Variants in RAB3B observed in about 807,000 individuals in gnomAD.
RAB3B encodes ras-related protein Rab-3B.
In RAB3B, 11 loss-of-function variants were observed where a neutral mutation model predicts 20.5. The ratio of observed to expected loss-of-function variants is 0.54; its 90% CI spans 0.34 to 0.89. The LOEUF (loss-of-function observed/expected upper bound fraction) is 0.89, where lower values mean the gene tolerates loss of function less well. RAB3B is among the 40% of genes least tolerant of loss of function. The probability of loss-of-function intolerance (pLI) is 0.02; values close to 1 mark genes in which losing one functional copy is unlikely to be tolerated. For missense variants in RAB3B, 225 were observed against 280.9 expected, an observed-to-expected ratio of 0.80 and a Z score of 1.42; for synonymous variants, 99 against 106.3, an observed-to-expected ratio of 0.93 and a Z score of 0.42.
chr1:51,971,582 G>A lies in RAB3B; in HGVS notation c.228+5308C>T, dbSNP rs148394524. ...TGAGTATCTGGGATTACAGGAGCCT[G>A]CCACCACGCCCAGCTAATTTTTTGT... On this transcript the variant is annotated intron_variant, in intron 2 of 4. Transcript: ENST00000371655. 7.5e-3 allele frequency among the ~76,000 whole-genome samples: 1,134 copies of A among 152,040 alleles called. 12 individuals carry two copies. The highest frequency in any genetic ancestry group is 0.025 in the African/African-American group (1,046 of 41,454).
At chr1:51,957,921 G>T (rs1476447037) in intron 2 of RAB3B, among the ~76,000 whole-genome samples, 1 of 152,232 alleles carries the variant, frequency 6.6e-6, no homozygotes, top group Non-Finnish European at 1.5e-5. Flanking sequence ...GGTGGGGGAG[G>T]CCGGTATCCT....
rs1685101257 is a variant in RAB3B, at chr1:51,982,569, A to G, written c.1-5452T>C. 2.0e-5 allele frequency among the ~76,000 whole-genome samples: 3 copies of G among 152,216 alleles called. No individual in the cohort carries two copies. The South Asian group carries it at 6.2e-4, about 32-fold the overall frequency. The stretch of plus-strand genomic sequence containing the variant: ...GGAGTTCAAGACCAGCCTAGCCAAC[A>G]TGGTGAAACCTCATCTCTACTAAAA... On this transcript the variant is annotated intron_variant, in intron 1 of 4. Coordinates refer to ENST00000371655, the MANE Select transcript of RAB3B (RefSeq NM_002867.4).
chr1:51,923,332 G>A (rs1336223550), intron 4 of RAB3B, among the ~76,000 whole-genome samples: 1 of 152,142 alleles, frequency 6.6e-6, no homozygotes. Flanking sequence ...GGAAACCAGA[G>A]GCCATGCAGG....
intron 1 of RAB3B, among the ~76,000 whole-genome samples, chr1:51,989,040 A>C (rs11591074): frequency 1.4e-5 from 2 of 148,016 alleles, no homozygotes; most frequent in South Asian, 4.4e-4. Context: ...AGGGCCTTTC[A>C]CGGCTTCCAT....
rs1441661284 is a variant in RAB3B at position 51,964,312 on chromosome 1, G to GT, written c.228+12577_228+12578insA. Among the ~76,000 whole-genome samples the GT allele has an allele frequency of 1.2e-4, 18 of 152,242 alleles. No homozygotes were observed. In the East Asian group the frequency reaches 3.3e-3, roughly 28 times the overall value. The stretch of plus-strand genomic sequence containing the variant: ...AAAAACTATCTTCACTTGGCTGCCA[G>GT]GACACCACACATTCTCATTTCAGTT... On this transcript the variant is annotated intron_variant, in intron 2 of 4. Coordinates refer to ENST00000371655, the MANE Select transcript of RAB3B (RefSeq NM_002867.4).
rs1008681925 is a variant in RAB3B, at chr1:51,928,170, G to A, written c.472+5148C>T. Among the ~76,000 whole-genome samples the A allele has an allele frequency of 5.3e-5, 8 of 152,004 alleles. No homozygotes were observed. In the East Asian group the frequency reaches 5.8e-4, roughly 11 times the overall value. On this transcript the variant is annotated intron_variant, in intron 4 of 4. Coordinates refer to ENST00000371655, the MANE Select transcript of RAB3B (RefSeq NM_002867.4). Reference sequence around the variant, plus strand: ...TGCCCAGGCTGGAGTGCAATGGTGCGATCTCTGCTCACCGCAACCTCCGCC... The same window carrying A: ...TGCCCAGGCTGGAGTGCAATGGTGCAATCTCTGCTCACCGCAACCTCCGCC...
chr1:51,911,544 T>C lies in RAB3B; in HGVS notation c.*8383A>G, dbSNP rs904027543. 1 of 152,154 alleles carries C rather than the reference T, an allele frequency of 6.6e-6. No homozygotes were observed. Among genetic ancestry groups the C allele is most frequent in the African/African-American group, 2.4e-5 (1 of 41,434 alleles). The allele number at this position is 152,154 out of a possible 1,614,324, so 9.4% of individuals were successfully genotyped here. ...ACAAGCAAAGCAAAGGGGGGTTTTA[T>C]TAGAAAGATACATTGAGCTTTCTAT... On this transcript the variant is annotated 3_prime_UTR_variant, in exon 5 of 5. Coordinates refer to ENST00000371655, the MANE Select transcript of RAB3B (RefSeq NM_002867.4).
intron 2 of RAB3B, among the ~76,000 whole-genome samples, chr1:51,945,886 T>C (rs72665005): frequency 0.052 from 7,881 of 152,266 alleles, 222 homozygotes; most frequent in Middle Eastern, 0.075. Flanking sequence ...TCATCAGCAA[T>C]GTGATTTTGG....
intron 2 of RAB3B, among the ~76,000 whole-genome samples, chr1:51,954,170 A>T (rs1438157094): frequency 6.6e-6 from 1 of 152,256 alleles, no homozygotes. Flanking sequence ...AGTGCCTGAC[A>T]CGTGGTAAGT....
In RAB3B at chr1:51,915,375, A is replaced by G. The variant is rs1684068902; in HGVS notation, c.*4552T>C. On this transcript the variant is annotated 3_prime_UTR_variant, in exon 5 of 5. Coordinates refer to ENST00000371655, the MANE Select transcript of RAB3B (RefSeq NM_002867.4). ...CTGGCTCCATCACTGTGATACTCTC[A>G]GAATAATTAGGAGATTTCCTTCCAT... 1 of 152,134 alleles carries G rather than the reference A, an allele frequency of 6.6e-6. No homozygotes were observed. Among genetic ancestry groups the G allele is most frequent in the Non-Finnish European group, 1.5e-5 (1 of 68,042 alleles). The allele number at this position is 152,134 out of a possible 1,614,324, so 9.4% of individuals were successfully genotyped here. A position where few individuals can be genotyped will look rare whatever the true frequency, so the allele number is the denominator to read the frequency against.
At position 51,912,554 on chromosome 1, in the gene RAB3B, A is replaced by AAAAATATATAT. The variant is rs1491223921; in HGVS notation, c.*7372_*7373insATATATATTTT. 3 of 15,500 alleles carry AAAAATATATAT rather than the reference A, an allele frequency of 1.9e-4. No homozygotes were observed. The highest frequency in any genetic ancestry group is 3.5e-4 in the African/African-American group (2 of 5,746). The allele number at this position is 15,500 out of a possible 1,614,324, so 1.0% of individuals were successfully genotyped here. ...AGACCGTCTCTATTAAAAAAAAAAA[A>AAAAATATATAT]ATATATATATATATATATATATATA... On this transcript the variant is annotated 3_prime_UTR_variant, in exon 5 of 5. Coordinates refer to ENST00000371655, the MANE Select transcript of RAB3B (RefSeq NM_002867.4).
Position 51,916,373 on chromosome 1 carries a change from TA to T in RAB3B, c.*3553del, listed in dbSNP as rs1427646727. 2 of 152,206 alleles carry T rather than the reference TA, an allele frequency of 1.3e-5. No individual in the cohort carries two copies. Among genetic ancestry groups the T allele is most frequent in the African/African-American group, 4.8e-5 (2 of 41,456 alleles). The allele number at this position is 152,206 out of a possible 1,614,324, so 9.4% of individuals were successfully genotyped here. A position where few individuals can be genotyped will look rare whatever the true frequency, so the allele number is the denominator to read the frequency against. ...ATTTCATCTTTGCCTGGATATTCAG[TA>T]GGAGAGAAAAGATTATTGGATATAG... On this transcript the variant is annotated 3_prime_UTR_variant, in exon 5 of 5. Transcript: ENST00000371655.
At chr1:51,931,932 G>A (rs563842599) in intron 4 of RAB3B, among the ~76,000 whole-genome samples, 2 of 152,088 alleles carry the variant, frequency 1.3e-5, no homozygotes, top group East Asian at 3.9e-4. Flanking sequence ...AGCCTAAAGG[G>A]ACCGTCTAAA....
rs916806024 is a variant in RAB3B, at chr1:51,961,493, T to G, written c.228+15397A>C. The stretch of plus-strand genomic sequence containing the variant: ...AGAACACTCTGGTGGCAAACATCCC[T>G]AATTTTGAGTCCCAGATGTGCTATT... On this transcript the variant is annotated intron_variant, in intron 2 of 4. Transcript: ENST00000371655. Among the ~76,000 whole-genome samples, 10 of 152,108 alleles carry G rather than the reference T, an allele frequency of 6.6e-5. 1 individual carries two copies. The South Asian group carries it at 2.1e-3, about 32-fold the overall frequency.
In RAB3B at chr1:51,914,280, T is replaced by C. The variant is rs1684050200; in HGVS notation, c.*5647A>G. 6.6e-6 allele frequency: 1 copy of C among 152,292 alleles called. No individual in the cohort carries two copies. The highest frequency in any genetic ancestry group is 1.9e-4 in the East Asian group (1 of 5,186). The allele number at this position is 152,292 out of a possible 1,614,324, so 9.4% of individuals were successfully genotyped here. ...TTAGTACTAAAAGGTGAAAGCTTAG[T>C]TGAGGAATGTAAAGCAATGGCCAGT... On this transcript the variant is annotated 3_prime_UTR_variant, in exon 5 of 5. Coordinates refer to ENST00000371655, the MANE Select transcript of RAB3B (RefSeq NM_002867.4).
At chr1:51,976,740 C>T (rs1685014433) in intron 2 of RAB3B, 150 bp downstream of exon 2, 3 of 672,426 alleles carry the variant, frequency 4.5e-6, no homozygotes, top group South Asian at 3.9e-5. Context: ...ATAAAACTAG[C>T]AGAGGGTAGC....
chr1:51,921,674 A>C (rs1165169256), intron 4 of RAB3B, among the ~76,000 whole-genome samples: 1 of 152,182 alleles, frequency 6.6e-6, no homozygotes, highest in African/African-American at 2.4e-5. Context: ...TTGTCAAATA[A>C]GACAAACAAC....
chr1:51,938,550 T>A (rs943841423), intron 2 of RAB3B, among the ~76,000 whole-genome samples: 2 of 152,226 alleles, frequency 1.3e-5, no homozygotes, highest in African/African-American at 4.8e-5. Context: ...AATACTTGTA[T>A]GTGTGATGTA....
intron 4 of RAB3B, among the ~76,000 whole-genome samples, chr1:51,927,369 C>T (rs897540918): frequency 4.6e-5 from 7 of 152,204 alleles, no homozygotes; most frequent in African/African-American, 1.7e-4. Flanking sequence ...AAATGCAATG[C>T]TCAAAGTCAC....
Sources: gnomAD v4.1 joint callset for allele counts (sites outside exome capture counted in the v4.1 genomes callset) on GRCh38, gnomAD v4.1.1 for gene constraint, MANE v1.5 for transcripts, NCBI Gene and HGNC (gene_info 2026-07-23, HGNC 2026-07-21) for gene names.